CPLX4: variants seen among roughly 807,000 people sequenced by gnomAD.
CPLX4 encodes the protein complexin-4.
CPLX4 carries 17 observed loss-of-function variants against 16.1 expected under a neutral mutation model. The ratio of observed to expected loss-of-function variants is 1.06; its 90% CI spans 0.72 to 1.59. The LOEUF (loss-of-function observed/expected upper bound fraction) is 1.59. Ranked by LOEUF, CPLX4 falls within the 40% of genes most tolerant of loss-of-function variation. The pLI is 0.00. For missense variants in CPLX4, 193 were observed against 192.9 expected, an observed-to-expected ratio of 1.00 and a Z score of 0.00; for synonymous variants, 55 against 57.8, an observed-to-expected ratio of 0.95 and a Z score of 0.22.
intron 2 of CPLX4, among the ~76,000 whole-genome samples, chr18:59,308,226 G>A (rs557056991): frequency 4.6e-5 from 7 of 152,230 alleles, no homozygotes; most frequent in African/African-American, 1.7e-4. Context: ...AAAAAGCATG[G>A]CACTGGAGGC....
chr18:59,317,488 C>T (rs143784428), intron 1 of CPLX4, among the ~76,000 whole-genome samples: 1 of 152,040 alleles, frequency 6.6e-6, no homozygotes, highest in African/African-American at 2.4e-5. Flanking sequence ...TTAAATGTTG[C>T]TTATATTTTA....
chr18:59,309,421 C>G (rs2144187963), intron 2 of CPLX4, among the ~76,000 whole-genome samples: 1 of 152,290 alleles, frequency 6.6e-6, no homozygotes, highest in African/African-American at 2.4e-5. Flanking sequence ...ACTTGCAGAT[C>G]TAGGGTCAAA....
At chr18:59,308,145 T>C (rs1279498401) in intron 2 of CPLX4, among the ~76,000 whole-genome samples, 1 of 152,122 alleles carries the variant, frequency 6.6e-6, no homozygotes, top group African/African-American at 2.4e-5. Flanking sequence ...AGACAGACTT[T>C]AGGTACCTAC....
chr18:59,306,260 C>T (rs2070576206), intron 2 of CPLX4, among the ~76,000 whole-genome samples: 1 of 152,172 alleles, frequency 6.6e-6, no homozygotes, highest in South Asian at 2.1e-4. Context: ...CCAAATCTAA[C>T]GTGAGCATCA....
chr18:59,297,367 C>T (rs973792204), intron 2 of CPLX4, among the ~76,000 whole-genome samples: 7 of 151,952 alleles, frequency 4.6e-5, no homozygotes, highest in African/African-American at 1.7e-4. Flanking sequence ...ACCTCTGCCT[C>T]CTTGGTTCAA....
At chr18:59,299,585 T>A (rs1210829160) in intron 2 of CPLX4, among the ~76,000 whole-genome samples, 1 of 152,194 alleles carries the variant, frequency 6.6e-6, no homozygotes, top group African/African-American at 2.4e-5. Context: ...GAGGCCACCA[T>A]CTATGGCTCT....
At position 59,296,688 on chromosome 18, in the gene CPLX4, C is replaced by T. The variant is rs2070503172; in HGVS notation, c.*10G>A. On this transcript the variant is annotated 3_prime_UTR_variant, in exon 3 of 3. Transcript: ENST00000299721. ...GATGGCTGGTTCCCTCCCTCCACCC[C>T]TCCCACCCCTCACATCACGGAACAC... is the stretch of plus-strand genomic sequence containing the variant. The T allele has an allele frequency of 6.2e-7, 1 of 1,608,046 alleles. No individual in the cohort carries two copies.
chr18:59,308,638 T>G (rs952335759), intron 2 of CPLX4, among the ~76,000 whole-genome samples: 1 of 150,114 alleles, frequency 6.7e-6, no homozygotes, highest in African/African-American at 2.5e-5. Context: ...CTCCCGCGGG[T>G]GCCAGTGGCC....
At chr18:59,314,954 G>A (rs2070642587) in intron 1 of CPLX4, among the ~76,000 whole-genome samples, 1 of 152,228 alleles carries the variant, frequency 6.6e-6, no homozygotes, top group Admixed American at 6.5e-5. Context: ...TGGGGTGACA[G>A]TAAGTAAAGC....
chr18:59,298,763 T>C (rs1218700468), intron 2 of CPLX4, among the ~76,000 whole-genome samples: 1 of 152,140 alleles, frequency 6.6e-6, no homozygotes, highest in Non-Finnish European at 1.5e-5. Flanking sequence ...GAAAGTGGGT[T>C]GGAAGGACGA....
chr18:59,296,716 C>CT lies in CPLX4; in HGVS notation c.464dup (p.Lys156GlufsTer35), dbSNP rs1239761907. 3.3e-6 allele frequency: 5 copies of CT among 1,506,916 alleles called. No individual in the cohort carries two copies. In the African/African-American group the frequency reaches 6.9e-5, roughly 21 times the overall value. 93.3% of individuals were successfully genotyped at this position (1,506,916 alleles called of 1,614,324 possible). A position where few individuals can be genotyped will look rare whatever the true frequency, so the allele number is the denominator to read the frequency against. ...CCACCCCTCACATCACGGAACACTT[C>CT]TGCTCCGCTGTCTGCTTGATTTCAG... On this transcript the variant is annotated frameshift_variant, in exon 3 of 3. Transcript: ENST00000299721. LOFTEE classifies it high-confidence loss of function.
At chr18:59,297,732 T>C (rs2070511597) in intron 2 of CPLX4, among the ~76,000 whole-genome samples, 1 of 152,354 alleles carries the variant, frequency 6.6e-6, no homozygotes, top group African/African-American at 2.4e-5. Flanking sequence ...TTGACCCCAC[T>C]GTAGAGGATG....
intron 2 of CPLX4, among the ~76,000 whole-genome samples, chr18:59,303,230 C>A (rs1313258231): frequency 1.3e-5 from 2 of 152,120 alleles, no homozygotes; most frequent in East Asian, 3.9e-4. Flanking sequence ...CCCTCAGCAC[C>A]CCTAGAGTAG....
intron 2 of CPLX4, among the ~76,000 whole-genome samples, chr18:59,308,625 C>T (rs932738826): frequency 2.6e-5 from 4 of 151,486 alleles, no homozygotes; most frequent in African/African-American, 9.7e-5. Context: ...GCCCGGGTTC[C>T]GCCTCCCGCG....
chr18:59,307,183 T>C (rs749331914), intron 2 of CPLX4, among the ~76,000 whole-genome samples: 19 of 152,204 alleles, frequency 1.2e-4, no homozygotes, highest in Non-Finnish European at 2.5e-4. Context: ...GAGTCTCCAT[T>C]TGTCACAGCA....
At position 59,309,205 on chromosome 18, in the gene CPLX4, G is replaced by T. The variant is rs1418970637; in HGVS notation, c.255+3480C>A. ...CAAAAAGCAGGCAATTGTATTATTG[G>T]TATTTGTAGTATCTTCCATACCATA... is the stretch of plus-strand genomic sequence containing the variant. On this transcript the variant is annotated intron_variant, in intron 2 of 2. Coordinates refer to ENST00000299721, the MANE Select transcript of CPLX4 (RefSeq NM_181654.4). 2.6e-5 allele frequency among the ~76,000 whole-genome samples: 4 copies of T among 152,154 alleles called. No individual in the cohort carries two copies. The East Asian group carries it at 7.7e-4, about 29-fold the overall frequency.
chr18:59,298,011 C>T (rs1357325819), intron 2 of CPLX4, among the ~76,000 whole-genome samples: 1 of 152,202 alleles, frequency 6.6e-6, no homozygotes, highest in Admixed American at 6.5e-5. Flanking sequence ...TCACAAGCGC[C>T]TTGCACATTT....
intron 2 of CPLX4, among the ~76,000 whole-genome samples, chr18:59,304,770 C>T (rs2070564539): frequency 6.6e-6 from 1 of 152,162 alleles, no homozygotes; most frequent in Non-Finnish European, 1.5e-5. Context: ...CGGGGTTTCA[C>T]CATGTTGGCC....
intron 1 of CPLX4, among the ~76,000 whole-genome samples, chr18:59,313,376 C>G (rs1488101811): frequency 6.6e-6 from 1 of 152,182 alleles, no homozygotes; most frequent in Non-Finnish European, 1.5e-5. Flanking sequence ...TAGCCCCAAA[C>G]AAGGCAGGGT....
Sources: gnomAD v4.1 joint callset for allele counts (sites outside exome capture counted in the v4.1 genomes callset) on GRCh38, gnomAD v4.1.1 for gene constraint, MANE v1.5 for transcripts, NCBI Gene and HGNC (gene_info 2026-07-23, HGNC 2026-07-21) for gene names.